ATXN1: variants seen among roughly 807,000 people sequenced by gnomAD.
The protein encoded by ATXN1 is ataxin 1.
Under a neutral mutation model 56.4 loss-of-function variants are expected in ATXN1, and 8 were observed. The ratio of observed to expected loss-of-function variants is 0.14; its 90% CI spans 0.08 to 0.26. The LOEUF (loss-of-function observed/expected upper bound fraction) is 0.26, where lower values mean the gene tolerates loss of function less well. Ranked by LOEUF, ATXN1 falls within the 10% of genes least tolerant of loss-of-function variation. ATXN1 has a pLI of 1.00. For synonymous variants in ATXN1, 514 were observed against 494.6 expected (o/e 1.04, Z -0.52); for missense variants, 987 against 1,106.5 (o/e 0.89, Z 1.53).
At chr6:16,508,747 G>A (rs187743387) in intron 5 of ATXN1, among the ~76,000 whole-genome samples, 8 of 152,238 alleles carry the variant, frequency 5.3e-5, no homozygotes, top group African/African-American at 7.2e-5. Flanking sequence ...GAATTGCCAC[G>A]TGATCCAGCA....
At chr6:16,609,112 TTC>T (rs1336367908) in intron 3 of ATXN1, among the ~76,000 whole-genome samples, 4 of 152,232 alleles carry the variant, frequency 2.6e-5, no homozygotes, top group African/African-American at 2.4e-5. Context: ...TGTGTTGGGA[TTC>T]TCTTTCTTGA....
At chr6:16,421,847 C>A (rs1379173767) in intron 6 of ATXN1, among the ~76,000 whole-genome samples, 1 of 152,054 alleles carries the variant, frequency 6.6e-6, no homozygotes, top group Non-Finnish European at 1.5e-5. Context: ...CATGACTGTG[C>A]ATGTATATGT....
intron 6 of ATXN1, among the ~76,000 whole-genome samples, chr6:16,439,790 G>A (rs1295868229): frequency 6.6e-6 from 1 of 152,136 alleles, no homozygotes; most frequent in Non-Finnish European, 1.5e-5. Context: ...AAATTAAAGT[G>A]GGGCCAGGCA....
At chr6:16,361,134 C>T (rs1395986923) in intron 6 of ATXN1, among the ~76,000 whole-genome samples, 1 of 152,164 alleles carries the variant, frequency 6.6e-6, no homozygotes, top group African/African-American at 2.4e-5. Context: ...TACCCAAAGA[C>T]ATTTAACTGT....
intron 3 of ATXN1, among the ~76,000 whole-genome samples, chr6:16,602,697 G>A (rs959054313): frequency 3.3e-5 from 5 of 152,076 alleles, no homozygotes; most frequent in Admixed American, 2.6e-4. Context: ...TGAACCACCC[G>A]CTTCGGCCTC....
Position 16,657,917 on chromosome 6 carries a change from A to G in ATXN1, c.-614-16T>C, listed in dbSNP as rs1758239824. On this transcript the variant is annotated splice_polypyrimidine_tract_variant and intron_variant, in intron 2 of 7. Transcript: ENST00000436367. ...CTCCAGTATGCTGCAGTCAAACAAA[A>G]CAAAATACCAAGTCAGAATGAAAAT... 6.6e-6 allele frequency: 1 copy of G among 152,216 alleles called. No individual in the cohort carries two copies. The highest frequency in any genetic ancestry group is 1.5e-5 in the Non-Finnish European group (1 of 68,040). The allele number at this position is 152,216 out of a possible 1,614,324, so 9.4% of individuals were successfully genotyped here.
chr6:16,346,949 G>T (rs540509185), intron 6 of ATXN1, among the ~76,000 whole-genome samples: 1 of 152,240 alleles, frequency 6.6e-6, no homozygotes, highest in Non-Finnish European at 1.5e-5. Context: ...CCAGGTGGCT[G>T]TGGGCTCCGT....
chr6:16,669,459 C>T (rs1385035342), intron 2 of ATXN1, among the ~76,000 whole-genome samples: 2 of 152,068 alleles, frequency 1.3e-5, no homozygotes, highest in African/African-American at 4.8e-5. Context: ...CCTGATGTTG[C>T]CATTTTAGTG....
intron 2 of ATXN1, among the ~76,000 whole-genome samples, chr6:16,693,944 TATAAA>T (rs1162111817): frequency 2.6e-5 from 4 of 152,192 alleles, no homozygotes; most frequent in African/African-American, 9.7e-5. Context: ...ACACACTAAT[TATAAA>T]AGTCAAAAGA....
intron 4 of ATXN1, among the ~76,000 whole-genome samples, chr6:16,568,634 T>C (rs1705114132): frequency 6.7e-6 from 1 of 149,350 alleles, no homozygotes; most frequent in Non-Finnish European, 1.5e-5. Context: ...CAAATGAACT[T>C]TCTTTTTCGG....
At position 16,491,277 on chromosome 6, in the gene ATXN1, ATTTTTT is replaced by A. The variant is rs57395401; in HGVS notation, c.-298-5174_-298-5169del. The stretch of plus-strand genomic sequence containing the variant: ...CTGGCTAATTATTATTATTATTATT[ATTTTTT>A]TTTTTTTTTTTTTTTTTTGATACAA... On this transcript the variant is annotated intron_variant, in intron 5 of 7. Transcript: ENST00000436367. 9.7e-3 allele frequency among the ~76,000 whole-genome samples: 1,280 copies of A among 132,180 alleles called. 21 individuals carry two copies. The highest frequency in any genetic ancestry group is 0.033 in the African/African-American group (1,122 of 34,156). The allele number at this position is 132,180 out of a possible 152,430, so 86.7% of individuals were successfully genotyped here.
intron 6 of ATXN1, among the ~76,000 whole-genome samples, chr6:16,454,955 G>A (rs549565256): frequency 8.3e-4 from 127 of 152,262 alleles, no homozygotes; most frequent in Middle Eastern, 3.4e-3. Flanking sequence ...CACCTTCAGG[G>A]GGACTCAGCA....
intron 6 of ATXN1, among the ~76,000 whole-genome samples, chr6:16,331,910 G>A (rs1402517425): frequency 6.6e-6 from 1 of 152,194 alleles, no homozygotes; most frequent in Non-Finnish European, 1.5e-5. Flanking sequence ...AGAGACATCG[G>A]CTTAGTCAGC....
At chr6:16,347,004 C>T (rs1261419257) in intron 6 of ATXN1, among the ~76,000 whole-genome samples, 1 of 152,242 alleles carries the variant, frequency 6.6e-6, no homozygotes, top group Non-Finnish European at 1.5e-5. Context: ...GGCCCTAGGG[C>T]AGTGAGGGGC....
chr6:16,728,065 G>A (rs191799471), intron 2 of ATXN1, among the ~76,000 whole-genome samples: 2 of 152,296 alleles, frequency 1.3e-5, no homozygotes, highest in African/African-American at 2.4e-5. Context: ...GAGATTAAAC[G>A]CCTGGAGCAT....
intron 3 of ATXN1, among the ~76,000 whole-genome samples, chr6:16,625,410 A>G (rs144076731): frequency 1.1e-3 from 167 of 152,300 alleles, no homozygotes; most frequent in African/African-American, 3.5e-3. Flanking sequence ...GGAGGGGGCT[A>G]GGGATTTAGG....
chr6:16,520,580 A>T (rs1761269269), intron 5 of ATXN1, among the ~76,000 whole-genome samples: 1 of 151,990 alleles, frequency 6.6e-6, no homozygotes, highest in Non-Finnish European at 1.5e-5. Flanking sequence ...ACATTTCTTC[A>T]CTTTCTCAAG....
rs938705579 is a variant in ATXN1, at chr6:16,327,596, G to T, written c.715C>A (p.Pro239Thr). ...TACTGGTTCTGCTGGGCTGGTGGGG[G>T]GGACCCCGGGGTGATGAGCCCCGGA... Reference protein sequence around the residue: ...RAPGLITPGSPPPAQQNQYVH... With the variant: ...RAPGLITPGSTPPAQQNQYVH... Residue 239 changes from proline (P) to threonine (T), a missense_variant, in exon 7 of 8, where the codon CCC becomes ACC. By Grantham distance (38) the Pro-to-Thr change is conservative (BLOSUM62 -1). Around this residue, in one of 3 missense-constraint regions of ATXN1, gnomAD observed 723 missense variants for 791.7 expected, o/e 0.91. Coordinates refer to ENST00000436367, the MANE Select transcript of ATXN1 (RefSeq NM_001128164.2). The T allele has an allele frequency of 2.1e-5, 33 of 1,593,720 alleles. No homozygotes were observed. Among genetic ancestry groups the T allele is most frequent in the Non-Finnish European group, 2.8e-5 (33 of 1,171,122 alleles).
chr6:16,748,604 T>G (rs1016916297), intron 2 of ATXN1, among the ~76,000 whole-genome samples: 1 of 152,216 alleles, frequency 6.6e-6, no homozygotes, highest in Non-Finnish European at 1.5e-5. Context: ...ATATGCAGAA[T>G]AGTAAATGTG....
Sources: gnomAD v4.1 joint callset for allele counts (sites outside exome capture counted in the v4.1 genomes callset) on GRCh38, gnomAD v4.1.1 for gene constraint, gnomAD v4.1.1 regional missense constraint, MANE v1.5 for transcripts, NCBI Gene and HGNC (gene_info 2026-07-23, HGNC 2026-07-21) for gene names.